Variants in EXOC6B observed in about 807,000 individuals in gnomAD.
EXOC6B encodes the protein SEC15 homolog B.
EXOC6B carries 54 observed loss-of-function variants against 113.5 expected under a neutral mutation model. The observed-to-expected ratio is 0.48, with a 90% CI of 0.38 to 0.60. The LOEUF is 0.60. Ranked by LOEUF, EXOC6B falls within the 20% of genes least tolerant of loss-of-function variation. The probability of loss-of-function intolerance (pLI) is 0.00; values close to 1 mark genes in which losing one functional copy is unlikely to be tolerated. For synonymous variants in EXOC6B, 357 were observed against 339.0 expected, an observed-to-expected ratio of 1.05 and a Z score of -0.58; for missense variants, 797 against 977.5, an observed-to-expected ratio of 0.82 and a Z score of 2.46.
chr2:72,527,111 T>A (rs1414469426), intron 8 of EXOC6B, among the ~76,000 whole-genome samples: 4 of 151,968 alleles, frequency 2.6e-5, no homozygotes, highest in African/African-American at 9.7e-5. Context: ...CTCTTCTCAA[T>A]TTCTATATCA....
At chr2:72,489,913 GACTGTGTAACCCCAAAACAGAGTAAAC>G (rs1280080649) in intron 16 of EXOC6B, among the ~76,000 whole-genome samples, 3 of 152,034 alleles carry the variant, frequency 2.0e-5, no homozygotes, top group Non-Finnish European at 4.4e-5. Context: ...AAAAAGAAGA[GACTGTGTAACCCCAAAACAGAGTAAAC>G]ACTGTGTAAC....
In EXOC6B at chr2:72,323,364, G is replaced by A. The variant is rs535114967; in HGVS notation, c.2196+11583C>T. Among the ~76,000 whole-genome samples, 11 of 152,262 alleles carry A rather than the reference G, an allele frequency of 7.2e-5. No individual in the cohort carries two copies. The South Asian group carries it at 1.2e-3, about 17-fold the overall frequency. On this transcript the variant is annotated intron_variant, in intron 20 of 21. Coordinates refer to ENST00000272427, the MANE Select transcript of EXOC6B (RefSeq NM_015189.3). ...ATGCTGGAGAGGATGTGGAGAAATCGGAATGCTTTTACACTGTTGGTGGGA... is the reference window on the plus strand; with the variant it reads ...ATGCTGGAGAGGATGTGGAGAAATCAGAATGCTTTTACACTGTTGGTGGGA...
chr2:72,473,880 T>G (rs933391164), intron 17 of EXOC6B, among the ~76,000 whole-genome samples: 1 of 152,160 alleles, frequency 6.6e-6, no homozygotes, highest in Non-Finnish European at 1.5e-5. Flanking sequence ...GTTTTCATGA[T>G]AGCAAATGTC....
chr2:72,455,676 C>G (rs1039923601), intron 18 of EXOC6B, among the ~76,000 whole-genome samples: 3 of 152,030 alleles, frequency 2.0e-5, no homozygotes, highest in African/African-American at 7.2e-5. Flanking sequence ...AATTTGTAAA[C>G]TGGGAGAATA....
At chr2:72,635,651 T>C (rs1209318088) in intron 6 of EXOC6B, among the ~76,000 whole-genome samples, 1 of 152,188 alleles carries the variant, frequency 6.6e-6, no homozygotes, top group Non-Finnish European at 1.5e-5. Context: ...TAACACCAAT[T>C]CTACACAATC....
chr2:72,633,038 C>T (rs1397542120), intron 6 of EXOC6B, among the ~76,000 whole-genome samples: 1 of 152,182 alleles, frequency 6.6e-6, no homozygotes, highest in Non-Finnish European at 1.5e-5. Flanking sequence ...TGAACTTGTA[C>T]ACTTTCTGGT....
intron 21 of EXOC6B, among the ~76,000 whole-genome samples, chr2:72,181,682 G>A (rs980946994): frequency 6.6e-6 from 1 of 152,188 alleles, no homozygotes; most frequent in African/African-American, 2.4e-5. Context: ...CCACAGGGAA[G>A]CTCCTGTAAT....
At chr2:72,362,225 T>C (rs1690358960) in intron 19 of EXOC6B, among the ~76,000 whole-genome samples, 1 of 152,202 alleles carries the variant, frequency 6.6e-6, no homozygotes, top group Non-Finnish European at 1.5e-5. Context: ...TGAAAAAGAT[T>C]CATGGATCCT....
At chr2:72,203,761 G>A (rs1679648827) in intron 20 of EXOC6B, among the ~76,000 whole-genome samples, 1 of 152,270 alleles carries the variant, frequency 6.6e-6, no homozygotes, top group East Asian at 1.9e-4. Context: ...TACAACAGAG[G>A]TATTTCCCCC....
At chr2:72,515,010 A>G in intron 9 of EXOC6B, 33 bp downstream of exon 9, 1 of 1,558,428 alleles carries the variant, frequency 6.4e-7, no homozygotes, top group South Asian at 1.2e-5. Context: ...AGGAAAAGTA[A>G]AAATGTGAGA....
intron 6 of EXOC6B, among the ~76,000 whole-genome samples, chr2:72,618,868 C>A (rs1306334651): frequency 6.6e-6 from 1 of 152,182 alleles, no homozygotes; most frequent in Non-Finnish European, 1.5e-5. Context: ...CAAAGGTAAT[C>A]CCAACTCCTT....
chr2:72,750,804 G>A (rs539171855), intron 1 of EXOC6B, among the ~76,000 whole-genome samples: 5 of 152,144 alleles, frequency 3.3e-5, no homozygotes, highest in African/African-American at 1.2e-4. Context: ...ACCAACTGAA[G>A]CAAAGGCAAA....
intron 20 of EXOC6B, among the ~76,000 whole-genome samples, chr2:72,191,222 T>C (rs1295568654): frequency 6.6e-6 from 1 of 152,364 alleles, no homozygotes; most frequent in East Asian, 1.9e-4. Context: ...TAGGATACTT[T>C]TTTTTCTTCC....
intron 20 of EXOC6B, among the ~76,000 whole-genome samples, chr2:72,187,906 T>C (rs752286599): frequency 6.6e-6 from 1 of 152,090 alleles, no homozygotes; most frequent in Non-Finnish European, 1.5e-5. Flanking sequence ...TGCTCCGAGA[T>C]TGGAGCAGCA....
intron 19 of EXOC6B, among the ~76,000 whole-genome samples, chr2:72,378,905 C>G (rs939778792): frequency 6.6e-6 from 1 of 152,130 alleles, no homozygotes; most frequent in Non-Finnish European, 1.5e-5. Context: ...GTCAACTATG[C>G]CAATAATGAT....
chr2:72,186,901 T>A (rs977781549), intron 20 of EXOC6B, among the ~76,000 whole-genome samples: 11 of 152,182 alleles, frequency 7.2e-5, no homozygotes, highest in Non-Finnish European at 1.2e-4. Context: ...CTGTGGCCAG[T>A]GGCACCTTTG....
intron 20 of EXOC6B, among the ~76,000 whole-genome samples, chr2:72,320,422 C>A (rs551476979): frequency 5.4e-4 from 82 of 152,024 alleles, no homozygotes; most frequent in Non-Finnish European, 9.4e-4. Flanking sequence ...AGGAGACCAA[C>A]ACATATGTGG....
intron 6 of EXOC6B, among the ~76,000 whole-genome samples, chr2:72,670,403 G>T (rs1359540720): frequency 6.6e-6 from 1 of 152,106 alleles, no homozygotes; most frequent in Admixed American, 6.6e-5. Flanking sequence ...GCAGTATTAG[G>T]TTTGACAGAA....
At chr2:72,515,817 G>A (rs1701184083) in intron 8 of EXOC6B, 1 of 769,368 alleles carries the variant, frequency 1.3e-6, no homozygotes, top group Non-Finnish European at 1.6e-6. Context: ...TTGGAAATAG[G>A]GCCATTGTGA....
Sources: gnomAD v4.1 joint callset for allele counts (sites outside exome capture counted in the v4.1 genomes callset) on GRCh38, gnomAD v4.1.1 for gene constraint, MANE v1.5 for transcripts, NCBI Gene and HGNC (gene_info 2026-07-23, HGNC 2026-07-21) for gene names.